Variants in IGF1R observed in about 807,000 individuals in gnomAD.
IGF1R encodes insulin like growth factor 1 receptor, also known as insulin-like growth factor 1 receptor.
Under a neutral mutation model 144.6 loss-of-function variants are expected in IGF1R, and 44 were observed. The ratio of observed to expected loss-of-function variants is 0.30; its 90% CI spans 0.24 to 0.39. The LOEUF (loss-of-function observed/expected upper bound fraction) is 0.39, where lower values mean the gene tolerates loss of function less well. Ranked by LOEUF, IGF1R falls within the 10% of genes least tolerant of loss-of-function variation. IGF1R has a pLI of 1.00. For missense variants in IGF1R, 1,355 were observed against 1,833.7 expected, an observed-to-expected ratio of 0.74 and a Z score of 4.77; for synonymous variants, 795 against 722.8, an observed-to-expected ratio of 1.10 and a Z score of -1.60.
At chr15:98,877,513 T>TTTCCC (rs773470156) in intron 2 of IGF1R, among the ~76,000 whole-genome samples, 6 of 111,402 alleles carry the variant, frequency 5.4e-5, no homozygotes, top group Non-Finnish European at 8.6e-5. Context: ...TTTTTTTTTT[T>TTTCCC]CCCCAAAAAA....
intron 2 of IGF1R, among the ~76,000 whole-genome samples, chr15:98,868,200 A>G (rs879836397): frequency 2.6e-5 from 4 of 151,934 alleles, no homozygotes; most frequent in Non-Finnish European, 5.9e-5. Flanking sequence ...CCAAAAAAAA[A>G]TCAGAGCGTG....
At position 98,950,157 on chromosome 15, in the gene IGF1R, T is replaced by C. The variant is rs1039044439; in HGVS notation, c.3722+1449T>C. On this transcript the variant is annotated intron_variant, in intron 20 of 20. Transcript: ENST00000650285. The stretch of plus-strand genomic sequence containing the variant: ...ATCCTGAGGAATTGCTGGGCTGTTA[T>C]GTCTGCATGAAGGCACCCAGCTCCT... Among the ~76,000 whole-genome samples, 7 of 152,240 alleles carry C rather than the reference T, an allele frequency of 4.6e-5. No individual in the cohort carries two copies. In the East Asian group the frequency reaches 1.3e-3, roughly 29 times the overall value.
chr15:98,733,661 C>A (rs1265010771), intron 2 of IGF1R, among the ~76,000 whole-genome samples: 1 of 152,134 alleles, frequency 6.6e-6, no homozygotes, highest in Admixed American at 6.6e-5. Context: ...AGTTTGCTGT[C>A]TGACTACCTG....
At chr15:98,798,692 T>C (rs1002435190) in intron 2 of IGF1R, among the ~76,000 whole-genome samples, 1 of 150,570 alleles carries the variant, frequency 6.6e-6, no homozygotes, top group Admixed American at 6.6e-5. Context: ...TGAGATGAGG[T>C]TGGGTGGCTG....
At chr15:98,833,807 A>G (rs979687006) in intron 2 of IGF1R, among the ~76,000 whole-genome samples, 1 of 152,256 alleles carries the variant, frequency 6.6e-6, no homozygotes, top group Admixed American at 6.5e-5. Flanking sequence ...TTTTTATTAA[A>G]AAGTAATTTG....
intron 6 of IGF1R, among the ~76,000 whole-genome samples, chr15:98,910,772 A>C (rs376147229): frequency 6.6e-6 from 1 of 152,238 alleles, no homozygotes; most frequent in African/African-American, 2.4e-5. Context: ...GAGGCCTCAC[A>C]GGAGTTCCTG....
rs2052295004 is a variant in IGF1R at position 98,649,578 on chromosome 15, A to G, written c.-4A>G. On this transcript the variant is annotated 5_prime_UTR_variant, in exon 1 of 21. Coordinates refer to ENST00000650285, the MANE Select transcript of IGF1R (RefSeq NM_000875.5). ...AAAGGGGAATTTCATCCCAAATAAAAGGAATGAAGTCTGGCTCCGGAGGAG... is the reference window on the plus strand; with the variant it reads ...AAAGGGGAATTTCATCCCAAATAAAGGGAATGAAGTCTGGCTCCGGAGGAG... The G allele has an allele frequency of 4.7e-6, 7 of 1,496,984 alleles. No homozygotes were observed. The highest frequency in any genetic ancestry group is 1.1e-5 in the South Asian group (1 of 87,630). The allele number at this position is 1,496,984 out of a possible 1,614,324, so 92.7% of individuals were successfully genotyped here.
At chr15:98,910,591 G>A (rs1712451412) in intron 6 of IGF1R, among the ~76,000 whole-genome samples, 1 of 152,208 alleles carries the variant, frequency 6.6e-6, no homozygotes, top group Non-Finnish European at 1.5e-5. Flanking sequence ...GTCTTTCCCT[G>A]GTCCTTATCG....
intron 2 of IGF1R, among the ~76,000 whole-genome samples, chr15:98,880,497 G>C (rs1466916924): frequency 6.6e-6 from 1 of 152,218 alleles, no homozygotes; most frequent in Non-Finnish European, 1.5e-5. Flanking sequence ...AGTGTTCACA[G>C]ATACATTCAG....
In IGF1R at chr15:98,922,271, C is replaced by T. The variant is rs1298634598; in HGVS notation, c.2325C>T (p.Tyr775=). 2 of 1,614,188 alleles carry T rather than the reference C, an allele frequency of 1.2e-6. No homozygotes were observed. Among genetic ancestry groups the T allele is most frequent in the Admixed American group, 3.3e-5 (2 of 60,028 alleles). Residue 775 remains tyrosine, a synonymous_variant, in exon 11 of 21, where the codon TAC becomes TAT. Transcript: ENST00000650285. ...ITDPEELETE[Y]PFFESRVDNK... ...ACCCGGAAGAGCTGGAGACAGAGTA[C>T]CCTTTCTTTGAGAGCAGAGTGGATA...
intron 2 of IGF1R, among the ~76,000 whole-genome samples, chr15:98,800,666 G>A (rs1262715832): frequency 6.6e-6 from 1 of 152,064 alleles, no homozygotes; most frequent in African/African-American, 2.4e-5. Context: ...CCAGGAGACT[G>A]CAGCAAACTT....
At chr15:98,772,164 A>G (rs796969473) in intron 2 of IGF1R, among the ~76,000 whole-genome samples, 1 of 152,176 alleles carries the variant, frequency 6.6e-6, no homozygotes, top group Non-Finnish European at 1.5e-5. Context: ...GCAACTGTGG[A>G]ATCATTTGAA....
intron 5 of IGF1R, among the ~76,000 whole-genome samples, chr15:98,902,612 C>A (rs1467882579): frequency 2.0e-5 from 3 of 150,610 alleles, no homozygotes; most frequent in Non-Finnish European, 4.4e-5. Context: ...GACGGACTTT[C>A]ACCGTGTTGT....
chr15:98,861,862 C>G (rs188205972), intron 2 of IGF1R, among the ~76,000 whole-genome samples: 13 of 152,352 alleles, frequency 8.5e-5, no homozygotes, highest in Admixed American at 8.5e-4. Context: ...CATTCCTTGA[C>G]AGCAGAATTC....
At chr15:98,767,410 G>T (rs2055461236) in intron 2 of IGF1R, among the ~76,000 whole-genome samples, 2 of 152,160 alleles carry the variant, frequency 1.3e-5, no homozygotes, top group African/African-American at 4.8e-5. Flanking sequence ...TTTGATACAT[G>T]AGGCATAACT....
At chr15:98,878,336 T>G (rs1356708107) in intron 2 of IGF1R, among the ~76,000 whole-genome samples, 1 of 152,160 alleles carries the variant, frequency 6.6e-6, no homozygotes, top group Non-Finnish European at 1.5e-5. Context: ...AGAATGGAAA[T>G]AGGGCTGTAA....
rs9282723 is a variant in IGF1R at position 98,913,146 on chromosome 15, C to T, written c.1692C>T (p.Pro564=). 7.6e-5 allele frequency: 123 copies of T among 1,614,226 alleles called. No individual in the cohort carries two copies. The highest frequency in any genetic ancestry group is 9.1e-5 in the Non-Finnish European group (107 of 1,180,036). The change falls in exon 8 of 21, where the codon CCC becomes CCT. Residue 564 remains proline, a synonymous_variant. Transcript: ENST00000650285. ...TCCCGCCCAACAAGGACGTGGAGCC[C>T]GGCATCTTACTACATGGGCTGAAGC... The part of the protein sequence containing the change: ...VDLPPNKDVE[P]GILLHGLKPW...
At chr15:98,956,425 G>C (rs1384574727) in intron 20 of IGF1R, among the ~76,000 whole-genome samples, 1 of 152,256 alleles carries the variant, frequency 6.6e-6, no homozygotes. Context: ...GCTGGGGCTT[G>C]CTTGTGCAGG....
chr15:98,864,809 C>T (rs2012341264), intron 2 of IGF1R, among the ~76,000 whole-genome samples: 1 of 152,234 alleles, frequency 6.6e-6, no homozygotes, highest in African/African-American at 2.4e-5. Flanking sequence ...TCAAGTGTAA[C>T]ATTTTATCAA....
Sources: gnomAD v4.1 joint callset for allele counts (sites outside exome capture counted in the v4.1 genomes callset) on GRCh38, gnomAD v4.1.1 for gene constraint, MANE v1.5 for transcripts, NCBI Gene and HGNC (gene_info 2026-07-23, HGNC 2026-07-21) for gene names.